Variants in RAD51B observed in about 807,000 individuals in gnomAD.
The protein encoded by RAD51B is RAD51 paralog B, also known as DNA repair protein RAD51 homolog 2.
RAD51B carries 38 observed loss-of-function variants against 42.2 expected under a neutral mutation model. The observed-to-expected ratio is 0.90, with a 90% CI of 0.70 to 1.18. The LOEUF (loss-of-function observed/expected upper bound fraction) is 1.18. RAD51B is among the 50% of genes most tolerant of loss of function. RAD51B has a pLI of 0.00. For synonymous variants in RAD51B, 154 were observed against 145.2 expected (o/e 1.06, Z -0.43); for missense variants, 373 against 400.7 (o/e 0.93, Z 0.59).
At chr14:68,640,021 G>C (rs7147776) in intron 10 of RAD51B, among the ~76,000 whole-genome samples, 137,363 of 152,122 alleles carry the variant, frequency 0.9, 62,231 homozygotes, top group African/African-American at 0.97. Context: ...AGGCTGGTCT[G>C]GATCTCCTGA....
chr14:68,580,703 T>C (rs543831150), intron 10 of RAD51B, among the ~76,000 whole-genome samples: 7 of 152,316 alleles, frequency 4.6e-5, no homozygotes, highest in Admixed American at 4.6e-4. Flanking sequence ...TGGGTGCCCA[T>C]GACTCTCTTC....
intron 7 of RAD51B, among the ~76,000 whole-genome samples, chr14:68,098,451 G>A (rs929348531): frequency 1.3e-5 from 2 of 152,220 alleles, no homozygotes; most frequent in African/African-American, 4.8e-5. Flanking sequence ...ACATACCTGA[G>A]ACTGGGTAGA....
intron 10 of RAD51B, among the ~76,000 whole-genome samples, chr14:68,516,983 A>T (rs907416459): frequency 1.3e-5 from 2 of 152,226 alleles, no homozygotes; most frequent in South Asian, 2.1e-4. Context: ...GTCTTTCTTG[A>T]AGTGATGAGC....
At chr14:68,181,152 T>C (rs1044243253) in intron 7 of RAD51B, among the ~76,000 whole-genome samples, 1 of 152,184 alleles carries the variant, frequency 6.6e-6, no homozygotes, top group Non-Finnish European at 1.5e-5. Flanking sequence ...GCAAACAAAA[T>C]GAAACTCCCC....
chr14:68,291,800 C>T, intron 7 of RAD51B, 84 bp from the exon 8 acceptor site: 3 of 1,077,792 alleles, frequency 2.8e-6, no homozygotes, highest in Non-Finnish European at 4.2e-6. Context: ...CATAGTCTGC[C>T]TTTTGATAGC....
chr14:68,187,696 A>T lies in RAD51B; in HGVS notation c.757-104188A>T, dbSNP rs80071512. Among the ~76,000 whole-genome samples, 746 of 152,362 alleles carry T rather than the reference A, an allele frequency of 4.9e-3. 18 individuals are homozygous for T. The East Asian group carries it at 0.067, about 14-fold the overall frequency. ...GTATACAGTCCTTCAAATTTTTTCA[A>T]TGCGTATATTAACATATTTAGTATT... On this transcript the variant is annotated intron_variant, in intron 7 of 10. Transcript: ENST00000471583.
chr14:68,461,340 A>G (rs1212452133), intron 9 of RAD51B, among the ~76,000 whole-genome samples: 6 of 101,728 alleles, frequency 5.9e-5, no homozygotes, highest in Non-Finnish European at 1.3e-4. Flanking sequence ...TGCAGGGAAA[A>G]AAAAAAAAAA....
At chr14:68,169,246 A>C (rs1251885795) in intron 7 of RAD51B, among the ~76,000 whole-genome samples, 1 of 152,170 alleles carries the variant, frequency 6.6e-6, no homozygotes, top group East Asian at 1.9e-4. Context: ...AGGAGGATAC[A>C]GTATAAAAGG....
chr14:68,306,545 TGA>T (rs2081867138), intron 8 of RAD51B: 1 of 456,264 alleles, frequency 2.2e-6, no homozygotes, highest in South Asian at 1.7e-5. Context: ...GGAAGTCATC[TGA>T]AATTGGTATG....
intron 7 of RAD51B, among the ~76,000 whole-genome samples, chr14:67,980,208 G>T (rs2075065790): frequency 6.6e-6 from 1 of 152,146 alleles, no homozygotes; most frequent in African/African-American, 2.4e-5. Flanking sequence ...ACTTTGGGAG[G>T]CCGAGGCAGG....
At chr14:67,866,781 T>A (rs1486497963) in intron 5 of RAD51B, among the ~76,000 whole-genome samples, 2 of 152,216 alleles carry the variant, frequency 1.3e-5, no homozygotes, top group Admixed American at 1.3e-4. Context: ...AGAGCCTTAA[T>A]TATTTACTTT....
intron 11 of RAD51B, among the ~76,000 whole-genome samples, chr14:68,658,577 C>T (rs1160916017): frequency 6.6e-6 from 1 of 152,176 alleles, no homozygotes; most frequent in Non-Finnish European, 1.5e-5. Flanking sequence ...CTTCACAATC[C>T]CTCTACAAGG....
At chr14:68,199,001 C>T (rs951877630) in intron 7 of RAD51B, among the ~76,000 whole-genome samples, 18 of 152,142 alleles carry the variant, frequency 1.2e-4, no homozygotes, top group African/African-American at 2.9e-4. Context: ...ATGAGTTTGC[C>T]CTCTCTCCTA....
intron 10 of RAD51B, among the ~76,000 whole-genome samples, chr14:68,648,666 A>G (rs1035285588): frequency 1.1e-5 from 1 of 92,614 alleles, no homozygotes; most frequent in Admixed American, 1.3e-4. Flanking sequence ...TAATGGTAAA[A>G]GCACACAAAC....
At chr14:68,143,481 A>G (rs1179797659) in intron 7 of RAD51B, among the ~76,000 whole-genome samples, 2 of 152,246 alleles carry the variant, frequency 1.3e-5, no homozygotes, top group Non-Finnish European at 2.9e-5. Context: ...ACATTGAAGC[A>G]GACAGCTGAA....
intron 11 of RAD51B, among the ~76,000 whole-genome samples, chr14:68,663,966 T>C (rs1223627373): frequency 6.6e-6 from 1 of 152,244 alleles, no homozygotes; most frequent in Admixed American, 6.5e-5. Flanking sequence ...AAATGTGTTA[T>C]TCTGATTATT....
intron 7 of RAD51B, among the ~76,000 whole-genome samples, chr14:67,932,132 C>T (rs1321001674): frequency 2.0e-5 from 3 of 152,122 alleles, no homozygotes; most frequent in East Asian, 3.9e-4. Flanking sequence ...TCCTCCCTCC[C>T]TCCTACCTCA....
chr14:68,032,866 G>A (rs2076068541), intron 7 of RAD51B, among the ~76,000 whole-genome samples: 1 of 151,496 alleles, frequency 6.6e-6, no homozygotes, highest in Non-Finnish European at 1.5e-5. Context: ...GCATGCCCTA[G>A]CTCTGATGAG....
At chr14:68,329,075 C>T (rs1194022219) in intron 8 of RAD51B, among the ~76,000 whole-genome samples, 1 of 152,150 alleles carries the variant, frequency 6.6e-6, no homozygotes, top group Non-Finnish European at 1.5e-5. Context: ...GTGGCATGAT[C>T]ATAGCACACT....
Sources: allele counts gnomAD v4.1 joint callset (sites outside exome capture counted in the v4.1 genomes callset), GRCh38; gene constraint gnomAD v4.1.1; transcripts MANE v1.5; gene names NCBI Gene and HGNC (gene_info 2026-07-23, HGNC 2026-07-21).